Variants in BAZ1B observed in about 807,000 individuals in gnomAD.
The protein encoded by BAZ1B is tyrosine-protein kinase BAZ1B.
In BAZ1B, 22 loss-of-function variants were observed where a neutral mutation model predicts 153.8. The ratio of observed to expected loss-of-function variants is 0.14; its 90% CI spans 0.10 to 0.20. The LOEUF (loss-of-function observed/expected upper bound fraction) is 0.20. Among genes scored for constraint, BAZ1B ranks in the 10% least tolerant of loss-of-function variants. The pLI is 1.00. For missense variants in BAZ1B, 1,325 were observed against 1,799.3 expected (o/e 0.74, Z 4.77); for synonymous variants, 676 against 633.4 (o/e 1.07, Z -1.01).
chr7:73,463,189 G>T, intron 11 of BAZ1B, 90 bp from the exon 12 acceptor site: 1 of 1,188,640 alleles, frequency 8.4e-7, no homozygotes, highest in Non-Finnish European at 1.2e-6. Context: ...TTTATTTCTA[G>T]AAAACTTACT....
At chr7:73,451,104 A>G in intron 13 of BAZ1B, 110 bp from the exon 14 acceptor site, 2 of 1,333,814 alleles carry the variant, frequency 1.5e-6, no homozygotes, top group Non-Finnish European at 2.0e-6. Flanking sequence ...TGCCTCCTAG[A>G]ACTTCACTAA....
intron 3 of BAZ1B, among the ~76,000 whole-genome samples, chr7:73,503,580 G>A (rs1157313439): frequency 6.6e-6 from 1 of 152,018 alleles, no homozygotes; most frequent in Non-Finnish European, 1.5e-5. Flanking sequence ...TCCCTATGTT[G>A]CCCAGGCTGG....
chr7:73,487,049 A>G (rs1374158164), intron 6 of BAZ1B, among the ~76,000 whole-genome samples: 1 of 152,208 alleles, frequency 6.6e-6, no homozygotes, highest in Non-Finnish European at 1.5e-5. Flanking sequence ...AACTTTGTAG[A>G]CCAGTATTTT....
rs782293577 is a variant in BAZ1B at position 73,498,604 on chromosome 7, G to A, written c.464C>T (p.Ala155Val). The part of the protein sequence containing the change: ...EEATEKKSDG[A>V]CDSPSSDKEN... ...TTTGTCACTTGATGGAGAATCACAG[G>A]CACCATCAGATTTCTTCTCAGTGGC... Residue 155 changes from alanine (A) to valine (V), a missense_variant, in exon 4 of 20, where the codon GCC becomes GTC. Coordinates refer to ENST00000339594, the MANE Select transcript of BAZ1B (RefSeq NM_032408.4). 2.0e-5 allele frequency: 33 copies of A among 1,613,634 alleles called. No individual in the cohort carries two copies. The South Asian group carries it at 3.2e-4, about 16-fold the overall frequency.
intron 1 of BAZ1B, among the ~76,000 whole-genome samples, chr7:73,516,349 T>C (rs1790798465): frequency 6.6e-6 from 1 of 152,156 alleles, no homozygotes; most frequent in African/African-American, 2.4e-5. Context: ...TTTCTTTTTT[T>C]AATATGAGAG....
chr7:73,459,141 G>A (rs191925516), intron 13 of BAZ1B, among the ~76,000 whole-genome samples: 371 of 152,016 alleles, frequency 2.4e-3, no homozygotes, highest in Non-Finnish European at 4.0e-3. Flanking sequence ...CCAGCTACTC[G>A]GGAGGCTGAG....
chr7:73,462,743 G>A (rs1315914309), intron 12 of BAZ1B, 179 bp downstream of exon 12: 2 of 661,042 alleles, frequency 3.0e-6, no homozygotes, highest in Non-Finnish European at 5.1e-6. Flanking sequence ...AGCAGCAAAA[G>A]ATAACAAGGA....
At position 73,450,521 on chromosome 7, in the gene BAZ1B, A is replaced by G. The variant is rs1334418879; in HGVS notation, c.3580+326T>C. 7.2e-5 allele frequency among the ~76,000 whole-genome samples: 11 copies of G among 152,214 alleles called. No individual in the cohort carries two copies. The highest frequency in any genetic ancestry group is 2.2e-4 in the African/African-American group (9 of 41,450). On this transcript the variant is annotated intron_variant, in intron 14 of 19. Coordinates refer to ENST00000339594, the MANE Select transcript of BAZ1B (RefSeq NM_032408.4). The surrounding 1 kb of genome is among the most constrained non-coding windows in gnomAD (Gnocchi z 4.1). ...CACATATCTTACTTCACAGATGACT[A>G]AAGTTCTGAGCCAATCAAAGGATTT...
At chr7:73,476,351 T>C (rs1339297988) in intron 7 of BAZ1B, among the ~76,000 whole-genome samples, 1 of 152,206 alleles carries the variant, frequency 6.6e-6, no homozygotes, top group Non-Finnish European at 1.5e-5. Flanking sequence ...TCAGATTCGA[T>C]GGAGCCATCA....
intron 13 of BAZ1B, among the ~76,000 whole-genome samples, chr7:73,456,937 C>CAAAAAAAAAAAAAAAAAAAAAA: frequency 2.5e-5 from 1 of 39,550 alleles, no homozygotes; most frequent in Non-Finnish European, 4.5e-5. Flanking sequence ...GACTCTGTCT[C>CAAAAAAAAAAAAAAAAAAAAAA]AAAAAAAAAA....
chr7:73,497,820 A>C (rs1196142181), intron 4 of BAZ1B, among the ~76,000 whole-genome samples: 30 of 152,230 alleles, frequency 2.0e-4, no homozygotes, highest in Admixed American at 1.6e-3. Flanking sequence ...GATCAGGGTT[A>C]GAATTTGCTC....
chr7:73,451,796 C>A (rs1788034387), intron 13 of BAZ1B, among the ~76,000 whole-genome samples: 1 of 152,250 alleles, frequency 6.6e-6, no homozygotes, highest in African/African-American at 2.4e-5. Context: ...GGTCCACAAT[C>A]ACAGCTGCCT....
chr7:73,510,158 G>A (rs1028602035), intron 2 of BAZ1B, among the ~76,000 whole-genome samples: 6 of 137,878 alleles, frequency 4.4e-5, no homozygotes, highest in Admixed American at 7.3e-5. Context: ...GGCCAGGCGC[G>A]GTAGCTCACG....
At chr7:73,478,974 TAAA>T (rs1789097471) in intron 6 of BAZ1B, among the ~76,000 whole-genome samples, 1 of 152,222 alleles carries the variant, frequency 6.6e-6, no homozygotes, top group Non-Finnish European at 1.5e-5. Flanking sequence ...CTGAAAAGTT[TAAA>T]AAGCACTGTT....
intron 3 of BAZ1B, among the ~76,000 whole-genome samples, chr7:73,503,321 TA>T (rs1554577371): frequency 2.0e-5 from 3 of 152,194 alleles, no homozygotes; most frequent in African/African-American, 7.2e-5. Context: ...TTGATGAGTT[TA>T]AACATATTTT....
chr7:73,502,465 T>C (rs889700170), intron 3 of BAZ1B, among the ~76,000 whole-genome samples: 28 of 152,086 alleles, frequency 1.8e-4, no homozygotes, highest in African/African-American at 6.5e-4. Context: ...CCAGACCCAG[T>C]GGCTCACACC....
intron 13 of BAZ1B, among the ~76,000 whole-genome samples, chr7:73,458,348 A>C (rs1338001427): frequency 6.6e-6 from 1 of 152,174 alleles, no homozygotes; most frequent in Non-Finnish European, 1.5e-5. Context: ...AACAACGTGA[A>C]TATACTTAAT....
intron 16 of BAZ1B, 63 bp from the exon 17 acceptor site, chr7:73,444,192 A>C: frequency 2.7e-6 from 4 of 1,487,720 alleles, no homozygotes; most frequent in Non-Finnish European, 3.6e-6. Context: ...GCATCTTCGA[A>C]ATGGGGGAAA....
intron 6 of BAZ1B, among the ~76,000 whole-genome samples, chr7:73,488,729 A>C (rs996842843): frequency 6.6e-6 from 1 of 151,678 alleles, no homozygotes; most frequent in Non-Finnish European, 1.5e-5. Flanking sequence ...AAAAAAAAAA[A>C]ACAAAAAAAA....
Sources: gnomAD v4.1 joint callset for allele counts (sites outside exome capture counted in the v4.1 genomes callset) on GRCh38, gnomAD v4.1.1 for gene constraint, Gnocchi (gnomAD v3.1) non-coding constraint, MANE v1.5 for transcripts, NCBI Gene and HGNC (gene_info 2026-07-23, HGNC 2026-07-21) for gene names.